ANO7: variants seen among roughly 807,000 people sequenced by gnomAD.
The protein encoded by ANO7 is anoctamin-7.
In ANO7, 114 loss-of-function variants were observed where a neutral mutation model predicts 115.8. The observed-to-expected ratio is 0.98, with a 90% confidence interval of 0.85 to 1.15. The LOEUF is 1.15. Among genes scored for constraint, ANO7 ranks in the 50% most tolerant of loss-of-function variants. The pLI is 0.00. For synonymous variants in ANO7, 550 were observed against 498.2 expected, an observed-to-expected ratio of 1.10 and a Z score of -1.38; for missense variants, 1,302 against 1,201.2, an observed-to-expected ratio of 1.08 and a Z score of -1.24.
At chr2:241,233,562 G>A in the ANO7 span, among the ~76,000 whole-genome samples, 3 of 152,128 alleles carry the variant, frequency 2.0e-5, no homozygotes, top group African/African-American at 7.2e-5. This position sits in a 1 kb window ranked among gnomAD's most constrained non-coding sequence, Gnocchi z 4.3. Context: ...CCCAGCTGGA[G>A]CTCCTGCTCA....
In ANO7 at chr2:241,218,234, C is replaced by G. The variant is rs1222975055; in HGVS notation, c.2179-5C>G. On this transcript the variant is annotated splice_polypyrimidine_tract_variant and splice_region_variant and intron_variant, in intron 20 of 24. Transcript: ENST00000674324. ...CCGCCTCGCGCTGACCCCTCCGGCG[C>G]CCAGGCCTTCCTCCTGGCCTTCTCG... 1.3e-6 allele frequency: 2 copies of G among 1,490,750 alleles called. No individual in the cohort carries two copies. 92.3% of individuals were successfully genotyped at this position (1,490,750 alleles called of 1,614,324 possible).
chr2:241,212,552 T>C lies in ANO7; in HGVS notation c.1674-20T>C, dbSNP rs776361905. On this transcript the variant is annotated intron_variant, in intron 16 of 24. Transcript: ENST00000674324. ...ACAGGAAGGATCCCATCAAGGCTCATGATCTTGACTTTCTCCTAGGTTTGT... is the reference window on the plus strand; with the variant it reads ...ACAGGAAGGATCCCATCAAGGCTCACGATCTTGACTTTCTCCTAGGTTTGT... 3 of 1,610,800 alleles carry C rather than the reference T, an allele frequency of 1.9e-6. No homozygotes were observed. In the South Asian group the frequency reaches 3.3e-5, roughly 18 times the overall value.
At chr2:241,218,446 TG>T in intron 21 of ANO7, 65 bp downstream of exon 21, 1 of 974,838 alleles carries the variant, frequency 1.0e-6, no homozygotes, top group Non-Finnish European at 1.2e-6. Context: ...GGGGCTCGGG[TG>T]GGGTGGGGGT....
chr2:241,239,578 C>A, the ANO7 span: 1 of 1,603,298 alleles, frequency 6.2e-7, no homozygotes, highest in East Asian at 2.2e-5. The surrounding 1 kb of genome is among the most constrained non-coding windows in gnomAD (Gnocchi z 4.6). Context: ...GTGAGAACCC[C>A]TCCCCGAGCA....
chr2:241,229,784 G>GGGGGCCCCCCC, downstream of ANO7: 1 of 1,502,550 alleles, frequency 6.7e-7, no homozygotes, highest in Non-Finnish European at 9.1e-7. Context: ...AAGCCCGCCT[G>GGGGGCCCCCCC]CCCGCCCACC....
intron 5 of ANO7, 96 bp downstream of exon 5, chr2:241,199,519 T>A: frequency 8.0e-7 from 1 of 1,248,006 alleles, no homozygotes; most frequent in Non-Finnish European, 1.1e-6. Flanking sequence ...GAGGGCTCCC[T>A]GCTCAGAGGC....
chr2:241,193,992 C>T (rs1273844306), intron 3 of ANO7, among the ~76,000 whole-genome samples: 1 of 152,226 alleles, frequency 6.6e-6, no homozygotes, highest in Non-Finnish European at 1.5e-5. Flanking sequence ...TCTCTGGCCT[C>T]AGCCTCCCAA....
Position 241,200,233 on chromosome 2 carries a change from A to G in ANO7, c.554+8A>G, listed in dbSNP as rs1574766632. ...AGTGAACAAGCTGCCACGGTAAGGC[A>G]GGGGCCCTGCCAGTCGGAGGAAAGA... On this transcript the variant is annotated splice_region_variant and intron_variant, in intron 6 of 24. Transcript: ENST00000674324. 1 of 1,611,142 alleles carries G rather than the reference A, an allele frequency of 6.2e-7. No individual in the cohort carries two copies.
Position 241,209,599 on chromosome 2 carries a change from C to T in ANO7, c.1323C>T (p.Arg441=), listed in dbSNP as rs1019704221. The T allele has an allele frequency of 3.1e-6, 5 of 1,595,406 alleles. No homozygotes were observed. The highest frequency in any genetic ancestry group is 4.3e-6 in the Non-Finnish European group (5 of 1,171,262). The part of the protein sequence containing the change: ...EPYFPERSRA[R]RMLAGSVVIV... Reference sequence around the variant, plus strand: ...ACTTCCCTGAGAGGAGCCGCGCGCGCCGCATGCTGGCCGGCTCTGTGGTGA... The same window carrying T: ...ACTTCCCTGAGAGGAGCCGCGCGCGTCGCATGCTGGCCGGCTCTGTGGTGA... The change falls in exon 13 of 25, where the codon CGC becomes CGT. Residue 441 remains arginine, a synonymous_variant. Transcript: ENST00000674324.
At chr2:241,239,966 T>C in the ANO7 span, 2 of 1,614,228 alleles carry the variant, frequency 1.2e-6, no homozygotes, top group Non-Finnish European at 1.7e-6. The surrounding 1 kb of genome is among the most constrained non-coding windows in gnomAD (Gnocchi z 4.6). Context: ...TTTCCAATGA[T>C]GGTGATCAGG....
rs373704127 is a variant in ANO7 at position 241,209,292 on chromosome 2, G to A, written c.1085G>A (p.Arg362Gln). ...CCCCGCTCCCTGCCACAGGCCGGCC[G>A]GCTGTTCGACCACGGCGGCACCGTG... ...SSACALAQAGRLFDHGGTVFF... is the reference protein window; with the variant it reads ...SSACALAQAGQLFDHGGTVFF... Residue 362 changes from arginine to glutamine, a missense_variant, in exon 12 of 25, where the codon CGG (arginine) becomes CAG (glutamine). Physicochemically the swap from Arg to Gln is conservative, Grantham distance 43 (BLOSUM62 1). Coordinates refer to ENST00000674324, the MANE Select transcript of ANO7 (RefSeq NM_001370694.2). 68 of 1,554,180 alleles carry A rather than the reference G, an allele frequency of 4.4e-5. No individual in the cohort carries two copies. The highest frequency in any genetic ancestry group is 1.7e-4 in the Middle Eastern group (1 of 6,018).
At chr2:241,230,128 G>A, downstream of ANO7, 1 of 1,598,430 alleles carries the variant, frequency 6.3e-7, no homozygotes, top group Non-Finnish European at 8.6e-7. This position sits in a 1 kb window ranked among gnomAD's most constrained non-coding sequence, Gnocchi z 5.0. Context: ...GGCGCCTCAG[G>A]GCTCCAAGGC....
rs1159081430 is a variant in ANO7 at position 241,216,190 on chromosome 2, T to C, written c.1924T>C (p.Tyr642His). Residue 642 changes from tyrosine (Y) to histidine (H), a missense_variant, in exon 19 of 25, where the codon TAT becomes CAT. Tyr to His is a moderately conservative substitution (Grantham distance 83). Transcript: ENST00000674324. ...GASQGPWEDDYELVPCEGLFD... is the reference protein window; with the variant it reads ...GASQGPWEDDHELVPCEGLFD... ...TAGCCAGGGGCCCTGGGAGGACGAC[T>C]ATGAGCTTGTGCCCTGTGAGGGTCT... The C allele has an allele frequency of 1.9e-6, 3 of 1,612,810 alleles. No individual in the cohort carries two copies. Among genetic ancestry groups the C allele is most frequent in the Non-Finnish European group, 2.5e-6 (3 of 1,179,700 alleles).
chr2:241,216,664 G>A (rs970004068), intron 19 of ANO7, among the ~76,000 whole-genome samples: 6 of 152,234 alleles, frequency 3.9e-5, no homozygotes, highest in African/African-American at 9.6e-5. Context: ...GCTATTTGCA[G>A]ACCTACCACT....
rs190792150 is a variant in ANO7 at position 241,199,068 on chromosome 2, C to T, written c.310-248C>T. On this transcript the variant is annotated intron_variant, in intron 4 of 24. Transcript: ENST00000674324. The stretch of plus-strand genomic sequence containing the variant: ...GGGAGGCTGCAGGTGACGCCGGTCC[C>T]AACAGCATGCTGTCTGCAGCAAATC... 56 of 497,566 alleles carry T rather than the reference C, an allele frequency of 1.1e-4. No homozygotes were observed. In the Middle Eastern group the frequency reaches 2.6e-3, roughly 23 times the overall value. The allele number at this position is 497,566 out of a possible 1,614,324, so 30.8% of individuals were successfully genotyped here. A position where few individuals can be genotyped will look rare whatever the true frequency, so the allele number is the denominator to read the frequency against.
the ANO7 span, among the ~76,000 whole-genome samples, chr2:241,239,336 C>CCT: frequency 2.6e-5 from 4 of 151,570 alleles, no homozygotes; most frequent in African/African-American, 9.7e-5. The surrounding 1 kb of genome is among the most constrained non-coding windows in gnomAD (Gnocchi z 4.6). Flanking sequence ...TGCTTTCTTT[C>CCT]CTCTCTCTCT....
chr2:241,226,641 G>T (rs2069181814), downstream of ANO7, among the ~76,000 whole-genome samples: 1 of 152,116 alleles, frequency 6.6e-6, no homozygotes, highest in Admixed American at 6.5e-5. Context: ...AGCCAGGATG[G>T]TCTTGATCTC....
At chr2:241,221,213 T>G (rs1209214309) in intron 21 of ANO7, among the ~76,000 whole-genome samples, 2 of 151,270 alleles carry the variant, frequency 1.3e-5, no homozygotes, top group African/African-American at 4.9e-5. Flanking sequence ...GTAGCTGGGA[T>G]TACAGGCGCC....
At chr2:241,208,851 C>G (rs962482755) in intron 11 of ANO7, among the ~76,000 whole-genome samples, 2 of 152,206 alleles carry the variant, frequency 1.3e-5, no homozygotes, top group African/African-American at 4.8e-5. Context: ...GTCTGTGCTT[C>G]CAAAACACAG....
Sources: allele counts gnomAD v4.1 joint callset (sites outside exome capture counted in the v4.1 genomes callset), GRCh38; gene constraint gnomAD v4.1.1; non-coding constraint Gnocchi (gnomAD v3.1); transcripts MANE v1.5; gene names NCBI Gene and HGNC (gene_info 2026-07-23, HGNC 2026-07-21).